Variants in H2BC18 observed in about 807,000 individuals in gnomAD.
H2BC18 encodes H2B clustered histone 18, also known as histone H2B type 2-F.
A neutral mutation model predicts 6.3 loss-of-function variants in H2BC18; 8 were observed. The ratio of observed to expected loss-of-function variants is 1.28; its 90% CI spans 0.75 to 2.31. The LOEUF (loss-of-function observed/expected upper bound fraction) is 2.31, where lower values mean the gene tolerates loss of function less well. Ranked by LOEUF, H2BC18 falls within the 30% of genes most tolerant of loss-of-function variation. H2BC18 has a pLI of 0.00. For missense variants in H2BC18, 106 were observed against 174.5 expected (o/e 0.61, Z 2.21); for synonymous variants, 104 against 78.1 (o/e 1.33, Z -1.75).
chr1:149,784,123 T>G, intron 1 of H2BC18: 1 of 1,611,858 alleles, frequency 6.2e-7, no homozygotes, highest in South Asian at 1.1e-5. Context: ...CAGTGGTTTC[T>G]CAATGGCACA....
chr1:149,798,781 T>C (rs2091828814), intron 1 of H2BC18, among the ~76,000 whole-genome samples: 1 of 152,100 alleles, frequency 6.6e-6, no homozygotes, highest in African/African-American at 2.4e-5. Context: ...CTGGCTAATA[T>C]TTTTACTTTT....
At chr1:149,792,680 G>A in intron 1 of H2BC18, 4 of 1,280,116 alleles carry the variant, frequency 3.1e-6, no homozygotes, top group South Asian at 1.2e-5. Flanking sequence ...GCCAGCGCCC[G>A]GGGACCCAGC....
intron 1 of H2BC18, chr1:149,787,204 C>A (rs1571388725): frequency 6.6e-6 from 1 of 152,294 alleles, no homozygotes; most frequent in East Asian, 1.9e-4. Flanking sequence ...ATATCAGTAT[C>A]CATGACTGTA....
intron 1 of H2BC18, among the ~76,000 whole-genome samples, chr1:149,799,475 G>A (rs1222577342): frequency 6.6e-6 from 1 of 151,852 alleles, no homozygotes; most frequent in Non-Finnish European, 1.5e-5. Flanking sequence ...TAGATCCTGT[G>A]AAATATCCTC....
intron 1 of H2BC18, chr1:149,792,429 C>T (rs1553752063): frequency 1.2e-6 from 1 of 810,746 alleles, no homozygotes; most frequent in African/African-American, 2.0e-5. Flanking sequence ...TATTTTCCTG[C>T]CACTGTGTAA....
At chr1:149,801,040 C>A (rs202031799) in intron 1 of H2BC18, among the ~76,000 whole-genome samples, 3 of 152,130 alleles carry the variant, frequency 2.0e-5, no homozygotes, top group African/African-American at 7.2e-5. Context: ...GAGTTGAGAT[C>A]GTGCCACTGC....
intron 1 of H2BC18, chr1:149,787,818 C>T: frequency 5.9e-6 from 1 of 168,344 alleles, no homozygotes; most frequent in Admixed American, 5.5e-5. Context: ...TTTCTTGCTG[C>T]CCATCAGTGG....
At chr1:149,805,219 T>C (rs2091907154) in intron 1 of H2BC18, 1 of 152,024 alleles carries the variant, frequency 6.6e-6, no homozygotes. Flanking sequence ...CAATCAGTGA[T>C]ATTGAACCTG....
At chr1:149,793,327 C>G (rs1402541713) in intron 1 of H2BC18, 1 of 1,150,170 alleles carries the variant, frequency 8.7e-7, no homozygotes, top group Non-Finnish European at 1.1e-6. Context: ...CTGGTTCCCT[C>G]ACCGTCAAAA....
intron 1 of H2BC18, among the ~76,000 whole-genome samples, chr1:149,798,615 C>CT: frequency 6.8e-6 from 1 of 146,880 alleles, no homozygotes; most frequent in Non-Finnish European, 1.5e-5. Flanking sequence ...TTTAAACCGA[C>CT]TTTAAAAAAA....
intron 1 of H2BC18, among the ~76,000 whole-genome samples, chr1:149,801,466 T>A (rs1181375312): frequency 1.4e-5 from 2 of 139,570 alleles, no homozygotes; most frequent in Non-Finnish European, 3.1e-5. Flanking sequence ...TTTATTGAAT[T>A]GTTTATTAGT....
At position 149,785,408 on chromosome 1, in the gene H2BC18, G is replaced by A. The variant is rs1509896; in HGVS notation, c.378-2148C>T. On this transcript the variant is annotated intron_variant, in intron 1 of 1. Transcript: ENST00000545683. ...TTAGGGAAGCTGACAGAGCTGTTTC[G>A]TTTTTTTTTTTTTTTTTTTTTTTTT... 1.0e-4 allele frequency among the ~76,000 whole-genome samples: 7 copies of A among 67,642 alleles called. No homozygotes were observed. The East Asian group carries it at 1.9e-3, about 18-fold the overall frequency. 44.4% of individuals were successfully genotyped at this position (67,642 alleles called of 152,430 possible). A position where few individuals can be genotyped will look rare whatever the true frequency, so the allele number is the denominator to read the frequency against.
intron 1 of H2BC18, chr1:149,804,083 T>C (rs1252801601): frequency 6.6e-6 from 1 of 152,220 alleles, no homozygotes; most frequent in Non-Finnish European, 1.5e-5. Context: ...TTCTTTTGGC[T>C]GTAAGTCTTG....
chr1:149,784,282 G>C (rs782538625), intron 1 of H2BC18: 2 of 1,609,272 alleles, frequency 1.2e-6, no homozygotes, highest in Admixed American at 3.3e-5. Flanking sequence ...GACCAGGAGG[G>C]CCGGAAACCA....
chr1:149,793,147 A>G (rs2091755511), intron 1 of H2BC18: 2 of 1,273,954 alleles, frequency 1.6e-6, no homozygotes, highest in Admixed American at 2.4e-5. Context: ...CTCCGCGGAG[A>G]GGAGGATTGG....
chr1:149,811,687 C>T (rs1191936572), downstream of H2BC18: 26 of 594,072 alleles, frequency 4.4e-5, no homozygotes, highest in Non-Finnish European at 7.4e-5. Flanking sequence ...TCAAACCTTT[C>T]GAATCTCGTA....
rs1443903488 is a variant in H2BC18, at chr1:149,792,666, A to G, written c.378-9406T>C. ...GCCTCCGCCTGTATCTGGGGGCCGCAGCCGCCAGCGCCCGGGGACCCAGCT... is the reference window on the plus strand; with the variant it reads ...GCCTCCGCCTGTATCTGGGGGCCGCGGCCGCCAGCGCCCGGGGACCCAGCT... On this transcript the variant is annotated intron_variant, in intron 1 of 1. Transcript: ENST00000545683. The G allele has an allele frequency of 3.4e-5, 43 of 1,278,004 alleles. 3 individuals carry two copies. In the African/African-American group the frequency reaches 6.3e-4, roughly 19 times the overall value. 79.2% of individuals were successfully genotyped at this position (1,278,004 alleles called of 1,614,324 possible). A position where few individuals can be genotyped will look rare whatever the true frequency, so the allele number is the denominator to read the frequency against.
At chr1:149,793,918 T>C in intron 1 of H2BC18, 2 of 1,286,446 alleles carry the variant, frequency 1.6e-6, no homozygotes, top group Non-Finnish European at 2.0e-6. Flanking sequence ...CCTAGCTAAA[T>C]GCCTTCAGGA....
Position 149,796,466 on chromosome 1 carries a change from A to G in H2BC18, c.378-13206T>C, listed in dbSNP as rs587686072. Among the ~76,000 whole-genome samples, 597 of 152,336 alleles carry G rather than the reference A, an allele frequency of 3.9e-3. 7 individuals are homozygous for G. Among genetic ancestry groups the G allele is most frequent in the African/African-American group, 0.014 (569 of 41,576 alleles). ...TCCTCTGGAGCCTGGCTGTGACTTC[A>G]AGGCCCAGTTCTTCTGGAAGGGCAG... is the stretch of plus-strand genomic sequence containing the variant. On this transcript the variant is annotated intron_variant, in intron 1 of 1. Transcript: ENST00000545683.
Sources: gnomAD v4.1 joint callset for allele counts (sites outside exome capture counted in the v4.1 genomes callset) on GRCh38, gnomAD v4.1.1 for gene constraint, MANE v1.5 for transcripts, NCBI Gene and HGNC (gene_info 2026-07-23, HGNC 2026-07-21) for gene names.